Variants in CNTNAP2 observed in about 807,000 individuals in gnomAD.
The protein encoded by CNTNAP2 is contactin-associated protein-like 2.
In CNTNAP2, 98 loss-of-function variants were observed where a neutral mutation model predicts 155.2. The ratio of observed to expected loss-of-function variants is 0.63; its 90% confidence interval spans 0.54 to 0.75. The LOEUF (loss-of-function observed/expected upper bound fraction) is 0.75, where lower values mean the gene tolerates loss of function less well. Ranked by LOEUF, CNTNAP2 falls within the 30% of genes least tolerant of loss-of-function variation. The probability of loss-of-function intolerance (pLI) is 0.00; values close to 1 mark genes in which losing one functional copy is unlikely to be tolerated. For missense variants in CNTNAP2, 1,727 were observed against 1,688.1 expected (o/e 1.02, Z -0.40); for synonymous variants, 651 against 631.2 (o/e 1.03, Z -0.47).
At chr7:146,763,170 G>C (rs963933049) in intron 1 of CNTNAP2, among the ~76,000 whole-genome samples, 7 of 152,134 alleles carry the variant, frequency 4.6e-5, no homozygotes, top group African/African-American at 9.7e-5. Context: ...TCATGCTTCT[G>C]CTCCATCCTC....
chr7:148,330,115 G>GGATGGATGGAATGGATGGATGGAATT (rs1215591470), intron 21 of CNTNAP2, among the ~76,000 whole-genome samples: 98 of 151,496 alleles, frequency 6.5e-4, no homozygotes, highest in African/African-American at 2.2e-3. Flanking sequence ...TAGATGGAGT[G>GGATGGATGGAATGGATGGATGGAATT]GATGGATGGA....
chr7:148,336,503 T>C (rs1437522313), intron 21 of CNTNAP2, among the ~76,000 whole-genome samples: 1 of 150,960 alleles, frequency 6.6e-6, no homozygotes, highest in Admixed American at 6.6e-5. Context: ...CTGTGAGTAC[T>C]GACTGGCTCC....
chr7:147,723,460 A>G (rs1796595445), intron 13 of CNTNAP2, among the ~76,000 whole-genome samples: 2 of 152,080 alleles, frequency 1.3e-5, no homozygotes, highest in Non-Finnish European at 2.9e-5. Flanking sequence ...TGCTTTTGTC[A>G]TTGACATTCA....
chr7:147,084,943 A>G (rs1489405823), intron 4 of CNTNAP2, among the ~76,000 whole-genome samples: 1 of 151,596 alleles, frequency 6.6e-6, no homozygotes, highest in Non-Finnish European at 1.5e-5. Context: ...TCAAGTTTAC[A>G]TTGATGAAAT....
At position 146,615,887 on chromosome 7, in the gene CNTNAP2, C is replaced by T. The variant is rs1014020466; in HGVS notation, c.98-158384C>T. On this transcript the variant is annotated intron_variant, in intron 1 of 23. Transcript: ENST00000361727. ...CTCAACATCGTACTGATTCCTTGTC[C>T]CCTTGGGATCATACCAGTGCTTCCC... Among the ~76,000 whole-genome samples the T allele has an allele frequency of 3.3e-5, 5 of 152,140 alleles. 1 individual carries two copies. The East Asian group carries it at 9.6e-4, about 29-fold the overall frequency.
intron 1 of CNTNAP2, among the ~76,000 whole-genome samples, chr7:146,194,715 T>A (rs1798752670): frequency 6.6e-6 from 1 of 152,250 alleles, no homozygotes; most frequent in Non-Finnish European, 1.5e-5. Flanking sequence ...ATAACAAAGT[T>A]ATTTTATGCT....
At chr7:147,587,781 T>G (rs1800659046) in intron 12 of CNTNAP2, among the ~76,000 whole-genome samples, 2 of 152,178 alleles carry the variant, frequency 1.3e-5, no homozygotes, top group African/African-American at 2.4e-5. Flanking sequence ...CTCAATATAT[T>G]TGAAGACCCT....
At chr7:147,415,545 C>T (rs1797178122) in intron 10 of CNTNAP2, among the ~76,000 whole-genome samples, 1 of 152,170 alleles carries the variant, frequency 6.6e-6, no homozygotes, top group Non-Finnish European at 1.5e-5. Context: ...AAGTGCCTTG[C>T]TTCCCCTTCA....
chr7:147,192,213 C>T (rs557331412), intron 8 of CNTNAP2, among the ~76,000 whole-genome samples: 29 of 152,288 alleles, frequency 1.9e-4, no homozygotes, highest in African/African-American at 6.0e-4. Context: ...ACAGCTTTCT[C>T]CAGTGGTCGG....
At chr7:148,216,214 G>C (rs2116755149) in intron 18 of CNTNAP2, among the ~76,000 whole-genome samples, 1 of 152,310 alleles carries the variant, frequency 6.6e-6, no homozygotes. Flanking sequence ...TATCCAGTAA[G>C]CACTGCTCAG....
rs577402630 is a variant in CNTNAP2, at chr7:147,493,133, C to T, written c.1777+7092C>T. Among the ~76,000 whole-genome samples, 7 of 152,250 alleles carry T rather than the reference C, an allele frequency of 4.6e-5. No homozygotes were observed. The South Asian group carries it at 1.2e-3, about 27-fold the overall frequency. On this transcript the variant is annotated intron_variant, in intron 11 of 23. Transcript: ENST00000361727. ...TCTACTGATCCGTATACTCTTCATT[C>T]GGTACACAGGCCATATTTTCATATC...
At chr7:148,388,770 G>C (rs1053962194) in intron 22 of CNTNAP2, among the ~76,000 whole-genome samples, 1 of 152,170 alleles carries the variant, frequency 6.6e-6, no homozygotes, top group African/African-American at 2.4e-5. Context: ...CTCAGCTGCA[G>C]GTCTGTTGGA....
At chr7:146,644,773 T>C (rs1799780219) in intron 1 of CNTNAP2, among the ~76,000 whole-genome samples, 1 of 152,100 alleles carries the variant, frequency 6.6e-6, no homozygotes, top group Non-Finnish European at 1.5e-5. Flanking sequence ...CTCCCAAGAC[T>C]AAACCAGGAA....
intron 3 of CNTNAP2, among the ~76,000 whole-genome samples, chr7:146,953,698 C>T (rs1797370852): frequency 6.6e-6 from 1 of 151,844 alleles, no homozygotes; most frequent in Non-Finnish European, 1.5e-5. Flanking sequence ...GGAGATATCA[C>T]ATTCATCTTT....
intron 1 of CNTNAP2, among the ~76,000 whole-genome samples, chr7:146,525,070 G>T (rs368999665): frequency 8.2e-4 from 124 of 151,996 alleles, no homozygotes; most frequent in African/African-American, 2.8e-3. Context: ...AGTATAGAAG[G>T]TCAGTGGATC....
intron 11 of CNTNAP2, among the ~76,000 whole-genome samples, chr7:147,504,825 T>TAC (rs1562970425): frequency 9.2e-6 from 1 of 108,866 alleles, no homozygotes. Context: ...ACTATATTCA[T>TAC]ATATATATAT....
intron 14 of CNTNAP2, among the ~76,000 whole-genome samples, chr7:147,934,070 G>A (rs915207187): frequency 2.0e-5 from 3 of 152,240 alleles, no homozygotes; most frequent in South Asian, 2.1e-4. Context: ...AGGGGAATAC[G>A]GGGACTTGCT....
chr7:147,640,868 C>T (rs1206964163), intron 13 of CNTNAP2, among the ~76,000 whole-genome samples: 1 of 152,152 alleles, frequency 6.6e-6, no homozygotes, highest in African/African-American at 2.4e-5. Context: ...TGGTACCTGA[C>T]TTGCATAGGG....
At chr7:146,498,197 A>G (rs909570630) in intron 1 of CNTNAP2, among the ~76,000 whole-genome samples, 22 of 152,158 alleles carry the variant, frequency 1.4e-4, no homozygotes, top group Non-Finnish European at 3.2e-4. Context: ...TTGGAAATTT[A>G]AAGATGGGAA....
Sources: gnomAD v4.1 joint callset for allele counts (sites outside exome capture counted in the v4.1 genomes callset) on GRCh38, gnomAD v4.1.1 for gene constraint, MANE v1.5 for transcripts, NCBI Gene and HGNC (gene_info 2026-07-23, HGNC 2026-07-21) for gene names.